ANO2: variants seen among roughly 807,000 people sequenced by gnomAD.
ANO2 encodes anoctamin 2.
A neutral mutation model predicts 124.2 loss-of-function variants in ANO2; 101 were observed. The observed-to-expected ratio is 0.81, with a 90% CI of 0.69 to 0.96. ANO2 has a LOEUF of 0.96. Among genes scored for constraint, ANO2 ranks in the 40% least tolerant of loss-of-function variants. ANO2 has a pLI of 0.00. For synonymous variants in ANO2, 486 were observed against 482.5 expected, an observed-to-expected ratio of 1.01 and a Z score of -0.09; for missense variants, 1,293 against 1,274.5, an observed-to-expected ratio of 1.01 and a Z score of -0.22.
chr12:5,651,613 C>T (rs1360079231), intron 14 of ANO2, among the ~76,000 whole-genome samples: 1 of 152,104 alleles, frequency 6.6e-6, no homozygotes, highest in African/African-American at 2.4e-5. Flanking sequence ...ATAATTTACA[C>T]ACAGTAAATT....
At chr12:5,577,875 C>A (rs1450050408) in intron 22 of ANO2, 80 bp downstream of exon 22, 1 of 1,433,968 alleles carries the variant, frequency 7.0e-7, no homozygotes, top group Admixed American at 1.9e-5. Context: ...GGTGCAAGGG[C>A]TGGCTTCCCA....
At chr12:5,655,158 T>A (rs1214426934) in intron 14 of ANO2, among the ~76,000 whole-genome samples, 1 of 152,150 alleles carries the variant, frequency 6.6e-6, no homozygotes, top group East Asian at 1.9e-4. Context: ...AAACTCAAGA[T>A]CATCATGTGA....
At chr12:5,576,813 G>T (rs1470801553) in intron 22 of ANO2, among the ~76,000 whole-genome samples, 1 of 152,226 alleles carries the variant, frequency 6.6e-6, no homozygotes, top group Non-Finnish European at 1.5e-5. Context: ...TTCAGATATT[G>T]TTCTCTAAAT....
chr12:5,594,522 C>A (rs373074439), intron 20 of ANO2, among the ~76,000 whole-genome samples: 3 of 152,274 alleles, frequency 2.0e-5, no homozygotes, highest in East Asian at 3.9e-4. Flanking sequence ...CTCAAAACTA[C>A]CATTTGCTTT....
intron 3 of ANO2, among the ~76,000 whole-genome samples, chr12:5,867,391 C>T (rs994897044): frequency 1.3e-5 from 2 of 152,164 alleles, no homozygotes; most frequent in Non-Finnish European, 2.9e-5. Flanking sequence ...TTTTGACTGT[C>T]ACAATGACAG....
intron 3 of ANO2, among the ~76,000 whole-genome samples, chr12:5,898,217 T>C (rs1407912440): frequency 6.6e-6 from 1 of 152,178 alleles, no homozygotes; most frequent in African/African-American, 2.4e-5. Flanking sequence ...TGTATCAGAA[T>C]GGCTAAAATT....
intron 10 of ANO2, among the ~76,000 whole-genome samples, chr12:5,775,799 C>T (rs960232460): frequency 6.6e-6 from 1 of 152,162 alleles, no homozygotes; most frequent in African/African-American, 2.4e-5. Context: ...ACCTCTTTTG[C>T]CTCTGAGACT....
chr12:5,901,309 A>T (rs1346039137), intron 3 of ANO2, among the ~76,000 whole-genome samples: 1 of 152,174 alleles, frequency 6.6e-6, no homozygotes, highest in Non-Finnish European at 1.5e-5. Context: ...TGACAAAGAA[A>T]TTGCTGGGGG....
chr12:5,920,653 C>T (rs751693432), intron 3 of ANO2, among the ~76,000 whole-genome samples: 1 of 152,034 alleles, frequency 6.6e-6, no homozygotes, highest in African/African-American at 2.4e-5. Context: ...ATCAGAAGGT[C>T]GGGAGATCGA....
intron 20 of ANO2, among the ~76,000 whole-genome samples, chr12:5,599,244 C>T (rs1022410216): frequency 1.3e-5 from 2 of 152,214 alleles, no homozygotes; most frequent in Admixed American, 1.3e-4. Flanking sequence ...AGAACATCAT[C>T]CTAGAATTAT....
At chr12:5,596,681 T>G (rs1214200199) in intron 20 of ANO2, among the ~76,000 whole-genome samples, 3 of 152,178 alleles carry the variant, frequency 2.0e-5, no homozygotes, top group Admixed American at 6.5e-5. Flanking sequence ...AGCACCCAAG[T>G]TGAAACACAT....
At chr12:5,792,381 C>T (rs1051871517) in intron 10 of ANO2, among the ~76,000 whole-genome samples, 2 of 152,224 alleles carry the variant, frequency 1.3e-5, no homozygotes, top group Non-Finnish European at 2.9e-5. Context: ...TATAAAGACG[C>T]CTCTCCAAAT....
intron 24 of ANO2, chr12:5,564,452 G>A (rs1941626657): frequency 6.6e-6 from 1 of 152,618 alleles, no homozygotes; most frequent in South Asian, 2.1e-4. Context: ...CTCCCATTGT[G>A]ATACACTTCC....
chr12:5,725,716 C>T (rs776915535), intron 14 of ANO2, among the ~76,000 whole-genome samples: 1 of 152,058 alleles, frequency 6.6e-6, no homozygotes, highest in Non-Finnish European at 1.5e-5. Context: ...GCCAGCTCTG[C>T]TCCTGTCCTT....
chr12:5,723,957 G>C (rs1950336000), intron 14 of ANO2, among the ~76,000 whole-genome samples: 1 of 152,062 alleles, frequency 6.6e-6, no homozygotes, highest in Admixed American at 6.5e-5. Context: ...ACAGGGGCTT[G>C]ACTCCCCAAC....
At chr12:5,789,283 G>A (rs576909628) in intron 10 of ANO2, among the ~76,000 whole-genome samples, 1 of 152,342 alleles carries the variant, frequency 6.6e-6, no homozygotes, top group South Asian at 2.1e-4. Flanking sequence ...CTGAGGACTG[G>A]GCAGAATGTC....
intron 1 of ANO2, among the ~76,000 whole-genome samples, chr12:5,943,035 C>T (rs753132318): frequency 6.6e-6 from 1 of 152,134 alleles, no homozygotes; most frequent in African/African-American, 2.4e-5. Context: ...ACTAGTACAA[C>T]CACTATAGAA....
chr12:5,826,863 G>A (rs1241234088), intron 7 of ANO2, among the ~76,000 whole-genome samples: 3 of 152,044 alleles, frequency 2.0e-5, no homozygotes, highest in African/African-American at 7.2e-5. Context: ...CTATTCAGTA[G>A]ACAGGACTCC....
chr12:5,797,437 T>C (rs927553704), intron 10 of ANO2, among the ~76,000 whole-genome samples: 1 of 152,076 alleles, frequency 6.6e-6, no homozygotes, highest in Admixed American at 6.5e-5. Flanking sequence ...GAAAGCAAGT[T>C]GGGACCATTT....
Sources: gnomAD v4.1 joint callset for allele counts (sites outside exome capture counted in the v4.1 genomes callset) on GRCh38, gnomAD v4.1.1 for gene constraint, MANE v1.5 for transcripts, NCBI Gene and HGNC (gene_info 2026-07-23, HGNC 2026-07-21) for gene names.